GRM3: variants seen among roughly 807,000 people sequenced by gnomAD.
GRM3 encodes glutamate metabotropic receptor 3, also known as metabotropic glutamate receptor 3.
A neutral mutation model predicts 70.5 loss-of-function variants in GRM3; 26 were observed. The ratio of observed to expected loss-of-function variants is 0.37; its 90% CI spans 0.27 to 0.51. GRM3 has a LOEUF of 0.51. GRM3 is among the 20% of genes least tolerant of loss of function. The probability of loss-of-function intolerance (pLI) is 0.93; values close to 1 mark genes in which losing one functional copy is unlikely to be tolerated. For missense variants in GRM3, 859 were observed against 1,123.8 expected, an observed-to-expected ratio of 0.76 and a Z score of 3.37; for synonymous variants, 443 against 434.9, an observed-to-expected ratio of 1.02 and a Z score of -0.23.
chr7:86,855,917 G>A (rs1486624207), intron 5 of GRM3, among the ~76,000 whole-genome samples: 1 of 152,144 alleles, frequency 6.6e-6, no homozygotes. Context: ...TAAGCTCAGG[G>A]AACCCCACAT....
At chr7:86,828,868 T>G (rs532711838) in intron 3 of GRM3, among the ~76,000 whole-genome samples, 169 of 152,350 alleles carry the variant, frequency 1.1e-3, no homozygotes, top group South Asian at 2.1e-3. Flanking sequence ...AAAATTGGAG[T>G]CAGTTCTCTC....
At chr7:86,808,428 T>C (rs78306351) in intron 3 of GRM3, among the ~76,000 whole-genome samples, 8,108 of 152,026 alleles carry the variant, frequency 0.053, 691 homozygotes, top group African/African-American at 0.18. Context: ...GTCCCAGCCT[T>C]AGACTCTGGA....
At chr7:86,664,047 C>A (rs181412725) in intron 1 of GRM3, among the ~76,000 whole-genome samples, 1 of 151,942 alleles carries the variant, frequency 6.6e-6, no homozygotes, top group Admixed American at 6.6e-5. Flanking sequence ...ACCTTGAGAA[C>A]AGAGAGCAGC....
At chr7:86,724,815 T>G (rs1376400016) in intron 1 of GRM3, among the ~76,000 whole-genome samples, 1 of 152,106 alleles carries the variant, frequency 6.6e-6, no homozygotes, top group African/African-American at 2.4e-5. Flanking sequence ...GATCACTTAC[T>G]CTTTGCCAAA....
At chr7:86,742,149 C>T (rs1796004592) in intron 1 of GRM3, among the ~76,000 whole-genome samples, 1 of 152,144 alleles carries the variant, frequency 6.6e-6, no homozygotes, top group South Asian at 2.1e-4. Flanking sequence ...GGAACCTCAG[C>T]TAGTGCTGCT....
chr7:86,660,905 T>G (rs1793875803), intron 1 of GRM3, among the ~76,000 whole-genome samples: 1 of 151,920 alleles, frequency 6.6e-6, no homozygotes, highest in South Asian at 2.1e-4. Flanking sequence ...ATCCAACAGG[T>G]GTTAATTGAG....
intron 5 of GRM3, among the ~76,000 whole-genome samples, chr7:86,857,807 G>A (rs1311683539): frequency 6.6e-6 from 1 of 152,124 alleles, no homozygotes; most frequent in African/African-American, 2.4e-5. Flanking sequence ...CTAAGAGAGT[G>A]AAAAGAATGC....
intron 3 of GRM3, among the ~76,000 whole-genome samples, chr7:86,791,872 T>C (rs1797428153): frequency 6.6e-6 from 1 of 152,192 alleles, no homozygotes; most frequent in Non-Finnish European, 1.5e-5. Context: ...CCTTAGTATA[T>C]TTAAAAATAA....
At chr7:86,719,469 A>G (rs1018643768) in intron 1 of GRM3, among the ~76,000 whole-genome samples, 27 of 152,078 alleles carry the variant, frequency 1.8e-4, no homozygotes, top group African/African-American at 6.3e-4. Context: ...TGTGAACAAG[A>G]AATTATTGTG....
intron 3 of GRM3, among the ~76,000 whole-genome samples, chr7:86,818,912 T>C (rs554036251): frequency 6.6e-6 from 1 of 152,252 alleles, no homozygotes; most frequent in South Asian, 2.1e-4. Context: ...GACCTTAAAC[T>C]TCTTTTCTGG....
At chr7:86,864,200 A>G in intron 5 of GRM3, 82 bp from the exon 6 acceptor site, 1 of 769,944 alleles carries the variant, frequency 1.3e-6, no homozygotes, top group South Asian at 1.4e-5. Flanking sequence ...CCGAGTCCCC[A>G]AAGTCCATTG....
intron 1 of GRM3, among the ~76,000 whole-genome samples, chr7:86,739,096 G>A (rs914634240): frequency 2.6e-4 from 40 of 152,130 alleles, no homozygotes; most frequent in Admixed American, 3.9e-4. Flanking sequence ...TCCTGCCTCA[G>A]TCTCCCAAGT....
At chr7:86,837,006 T>C (rs1207359356) in intron 3 of GRM3, among the ~76,000 whole-genome samples, 1 of 152,106 alleles carries the variant, frequency 6.6e-6, no homozygotes. Context: ...CACAAAGAGA[T>C]ATATGTGATG....
intron 1 of GRM3, among the ~76,000 whole-genome samples, chr7:86,677,384 A>G (rs1045703994): frequency 2.0e-5 from 3 of 151,954 alleles, no homozygotes; most frequent in African/African-American, 4.8e-5. Flanking sequence ...TCTCCCTACC[A>G]TCATCTTCTG....
At chr7:86,752,840 C>T (rs558930332) in intron 1 of GRM3, among the ~76,000 whole-genome samples, 7 of 152,098 alleles carry the variant, frequency 4.6e-5, no homozygotes, top group South Asian at 2.1e-4. Context: ...CAGGATAAGA[C>T]GTGCCCAGCC....
At chr7:86,724,134 G>A (rs1049943781) in intron 1 of GRM3, among the ~76,000 whole-genome samples, 8 of 152,126 alleles carry the variant, frequency 5.3e-5, no homozygotes, top group African/African-American at 1.9e-4. Context: ...AATAACATGA[G>A]CAGACAGACA....
At chr7:86,774,100 T>G (rs903370964) in intron 2 of GRM3, among the ~76,000 whole-genome samples, 91 of 152,152 alleles carry the variant, frequency 6.0e-4, no homozygotes, top group African/African-American at 2.0e-3. Flanking sequence ...CACTTCTGAT[T>G]AAACCTATGA....
intron 5 of GRM3, among the ~76,000 whole-genome samples, chr7:86,854,414 G>C (rs1798810580): frequency 6.6e-6 from 1 of 152,122 alleles, no homozygotes; most frequent in South Asian, 2.1e-4. Context: ...TAGCAGACAT[G>C]AAAGAATGAA....
chr7:86,863,221 C>T lies in GRM3; in HGVS notation c.2567-1061C>T, dbSNP rs116129011. Among the ~76,000 whole-genome samples, 448 of 152,270 alleles carry T rather than the reference C, an allele frequency of 2.9e-3. 2 individuals are homozygous for T. The highest frequency in any genetic ancestry group is 0.01 in the African/African-American group (435 of 41,546). On this transcript the variant is annotated intron_variant, in intron 5 of 5. Coordinates refer to ENST00000361669, the MANE Select transcript of GRM3 (RefSeq NM_000840.3). ...TAAGGGTGAAATATATATAACTTAT[C>T]TGTACCTAGATTTCTCATGAAATAA...
Sources: gnomAD v4.1 joint callset for allele counts (sites outside exome capture counted in the v4.1 genomes callset) on GRCh38, gnomAD v4.1.1 for gene constraint, MANE v1.5 for transcripts, NCBI Gene and HGNC (gene_info 2026-07-23, HGNC 2026-07-21) for gene names.